ERBB4: variants seen among roughly 807,000 people sequenced by gnomAD.
The protein encoded by ERBB4 is erb-b2 receptor tyrosine kinase 4.
A neutral mutation model predicts 158.0 loss-of-function variants in ERBB4; 42 were observed. That is an observed-to-expected ratio of 0.27 (90% confidence interval 0.21 to 0.34). ERBB4 has a LOEUF of 0.34. ERBB4 is among the 10% of genes least tolerant of loss of function. ERBB4 has a pLI of 1.00. For synonymous variants in ERBB4, 583 were observed against 558.7 expected (o/e 1.04, Z -0.61); for missense variants, 1,333 against 1,624.1 (o/e 0.82, Z 3.08).
At chr2:211,463,808 C>T (rs2064600842) in intron 20 of ERBB4, among the ~76,000 whole-genome samples, 1 of 152,094 alleles carries the variant, frequency 6.6e-6, no homozygotes, top group Admixed American at 6.6e-5. Context: ...AAACAAAAGT[C>T]TAAGTCTTTT....
intron 20 of ERBB4, among the ~76,000 whole-genome samples, chr2:211,484,566 T>C (rs1395569104): frequency 2.0e-5 from 3 of 152,146 alleles, no homozygotes; most frequent in Non-Finnish European, 4.4e-5. Flanking sequence ...ACTGCATTAA[T>C]ATGAGACAGA....
At chr2:211,912,029 G>T (rs1294331874) in intron 3 of ERBB4, among the ~76,000 whole-genome samples, 1 of 152,076 alleles carries the variant, frequency 6.6e-6, no homozygotes, top group African/African-American at 2.4e-5. Context: ...TTCTAAAGAG[G>T]TTTTTGGGAG....
chr2:212,538,524 G>A lies in ERBB4; in HGVS notation c.7C>T (p.Pro3Ser), dbSNP rs868365105. 6.2e-7 allele frequency: 1 copy of A among 1,614,028 alleles called. No homozygotes were observed. Among genetic ancestry groups the A allele is most frequent in the Non-Finnish European group, 8.5e-7 (1 of 1,179,898 alleles). Residue 3 changes from proline to serine, a missense_variant, in exon 1 of 28, where the codon CCG (proline) becomes TCG (serine). Coordinates refer to ENST00000342788, the MANE Select transcript of ERBB4 (RefSeq NM_005235.3). ...ACCCAGACCCAAAGTCCTGTCGCCG[G>A]CTTCATTTTTTGGAAGTCTCAGATC... MK[P>S]ATGLWVWVSL...
intron 2 of ERBB4, among the ~76,000 whole-genome samples, chr2:212,078,802 G>T (rs536721456): frequency 1.3e-4 from 20 of 151,198 alleles, no homozygotes; most frequent in Non-Finnish European, 2.8e-4. Context: ...AATATGAAAA[G>T]TAATTAATAC....
chr2:211,705,987 T>C (rs947516855), intron 9 of ERBB4, among the ~76,000 whole-genome samples: 1 of 152,180 alleles, frequency 6.6e-6, no homozygotes, highest in Non-Finnish European at 1.5e-5. Context: ...CTTATTCATA[T>C]TCACGTTTAT....
chr2:212,126,229 C>G (rs570175402), intron 1 of ERBB4, among the ~76,000 whole-genome samples: 2 of 151,782 alleles, frequency 1.3e-5, no homozygotes, highest in Non-Finnish European at 2.9e-5. Context: ...TTTGGGAGGC[C>G]GACGCAGTTG....
intron 1 of ERBB4, among the ~76,000 whole-genome samples, chr2:212,537,347 A>G (rs1693145166): frequency 6.6e-6 from 1 of 152,076 alleles, no homozygotes; most frequent in South Asian, 2.1e-4. Context: ...CCACGTCAAG[A>G]CACCGGTCCT....
At chr2:212,085,521 C>T (rs536224796) in intron 2 of ERBB4, among the ~76,000 whole-genome samples, 42 of 151,980 alleles carry the variant, frequency 2.8e-4, no homozygotes, top group African/African-American at 9.9e-4. Flanking sequence ...TGGAGCCTGA[C>T]ACCTGACTGA....
At chr2:211,743,240 A>G (rs2074852373) in intron 5 of ERBB4, among the ~76,000 whole-genome samples, 1 of 152,232 alleles carries the variant, frequency 6.6e-6, no homozygotes, top group African/African-American at 2.4e-5. Flanking sequence ...AGTGGTTATC[A>G]GCCTAGAAAA....
intron 1 of ERBB4, among the ~76,000 whole-genome samples, chr2:212,318,849 TGAA>T (rs1201272454): frequency 6.6e-6 from 1 of 151,592 alleles, no homozygotes; most frequent in East Asian, 1.9e-4. Flanking sequence ...CAGCACATAA[TGAA>T]GGAGACAGAG....
chr2:211,754,993 G>A lies in ERBB4; in HGVS notation c.557-4289C>T, dbSNP rs537630248. On this transcript the variant is annotated intron_variant, in intron 4 of 27. Coordinates refer to ENST00000342788, the MANE Select transcript of ERBB4 (RefSeq NM_005235.3). Reference sequence around the variant, plus strand: ...TGGGATTACAGGTGTGAGCCACTGCGCCCGGCCTGCTATAATTCTTTTGAA... The same window carrying A: ...TGGGATTACAGGTGTGAGCCACTGCACCCGGCCTGCTATAATTCTTTTGAA... Among the ~76,000 whole-genome samples, 23 of 152,248 alleles carry A rather than the reference G, an allele frequency of 1.5e-4. No homozygotes were observed. The South Asian group carries it at 2.5e-3, about 17-fold the overall frequency.
chr2:211,997,922 C>CAA (rs1234864525), intron 2 of ERBB4, among the ~76,000 whole-genome samples: 4 of 151,558 alleles, frequency 2.6e-5, no homozygotes, highest in Admixed American at 6.6e-5. Context: ...CACACACACA[C>CAA]ACACACACAC....
intron 20 of ERBB4, among the ~76,000 whole-genome samples, chr2:211,549,960 G>C (rs969458629): frequency 6.6e-6 from 1 of 152,030 alleles, no homozygotes; most frequent in Non-Finnish European, 1.5e-5. Flanking sequence ...TGATAAAGTG[G>C]AACTTCAAGC....
At chr2:211,488,006 T>C (rs1314544843) in intron 20 of ERBB4, among the ~76,000 whole-genome samples, 1 of 151,916 alleles carries the variant, frequency 6.6e-6, no homozygotes, top group Non-Finnish European at 1.5e-5. Flanking sequence ...GAAATGTCAG[T>C]GCTTCTCTGG....
At chr2:211,494,073 G>C (rs901899910) in intron 20 of ERBB4, among the ~76,000 whole-genome samples, 1 of 152,120 alleles carries the variant, frequency 6.6e-6, no homozygotes, top group African/African-American at 2.4e-5. Flanking sequence ...TGCGATCTCG[G>C]CTCACTACAA....
intron 2 of ERBB4, among the ~76,000 whole-genome samples, chr2:211,986,843 T>C (rs2081948978): frequency 6.6e-6 from 1 of 152,150 alleles, no homozygotes; most frequent in Non-Finnish European, 1.5e-5. Flanking sequence ...AATAACTGAC[T>C]CTGGGTGAAG....
In ERBB4 at chr2:211,386,718, T is replaced by C. The variant is rs1201439499; in HGVS notation, c.3481+135A>G. 16 of 752,070 alleles carry C rather than the reference T, an allele frequency of 2.1e-5. No homozygotes were observed. The East Asian group carries it at 4.0e-4, about 19-fold the overall frequency. The allele number at this position is 752,070 out of a possible 1,614,324, so 46.6% of individuals were successfully genotyped here. A position where few individuals can be genotyped will look rare whatever the true frequency, so the allele number is the denominator to read the frequency against. On this transcript the variant is annotated intron_variant, in intron 27 of 27. Transcript: ENST00000342788. The stretch of plus-strand genomic sequence containing the variant: ...GCTGATTCAGGGACCATACTACAAG[T>C]AGCAGTAGCCTAGGCCTTTACTGGA...
chr2:212,059,090 A>G (rs2077675508), intron 2 of ERBB4, among the ~76,000 whole-genome samples: 1 of 152,202 alleles, frequency 6.6e-6, no homozygotes, highest in Admixed American at 6.5e-5. Flanking sequence ...AACTTCAGCA[A>G]AGTCTCAGGA....
intron 3 of ERBB4, among the ~76,000 whole-genome samples, chr2:211,881,428 G>A (rs2078658350): frequency 1.3e-5 from 2 of 152,134 alleles, no homozygotes; most frequent in South Asian, 2.1e-4. Context: ...CTTGCACGGG[G>A]GAATGCTGGC....
Sources: allele counts gnomAD v4.1 joint callset (sites outside exome capture counted in the v4.1 genomes callset), GRCh38; gene constraint gnomAD v4.1.1; transcripts MANE v1.5; gene names NCBI Gene and HGNC (gene_info 2026-07-23, HGNC 2026-07-21).